Variants in CANX observed in about 807,000 individuals in gnomAD.
The protein encoded by CANX is epididymis secretory sperm binding protein.
A neutral mutation model predicts 75.7 loss-of-function variants in CANX; 14 were observed. The observed-to-expected ratio is 0.19, with a 90% CI of 0.12 to 0.29. CANX has a LOEUF of 0.29. Among genes scored for constraint, CANX ranks in the 10% least tolerant of loss-of-function variants. CANX has a pLI of 1.00. For missense variants in CANX, 567 were observed against 713.2 expected (o/e 0.79, Z 2.34); for synonymous variants, 227 against 236.9 (o/e 0.96, Z 0.38).
rs1777131193 is a variant in CANX, at chr5:179,706,247, A to G, written c.172-11A>G. ...ATTTAAATTTTTAATTCATTTATGT[A>G]TTTAACACAGGTTACTTACAAAGCT... On this transcript the variant is annotated splice_polypyrimidine_tract_variant and intron_variant, in intron 2 of 14. Coordinates refer to ENST00000247461, the MANE Select transcript of CANX (RefSeq NM_001746.4). 3 of 1,478,650 alleles carry G rather than the reference A, an allele frequency of 2.0e-6. No individual in the cohort carries two copies. Among genetic ancestry groups the G allele is most frequent in the South Asian group, 1.2e-5 (1 of 86,050 alleles). 91.6% of individuals were successfully genotyped at this position (1,478,650 alleles called of 1,614,324 possible). A position where few individuals can be genotyped will look rare whatever the true frequency, so the allele number is the denominator to read the frequency against.
At chr5:179,717,032 G>A (rs1778003200) in intron 8 of CANX, among the ~76,000 whole-genome samples, 1 of 152,202 alleles carries the variant, frequency 6.6e-6, no homozygotes, top group African/African-American at 2.4e-5. Flanking sequence ...ATTGAAGAGT[G>A]AGGAGAAATG....
At chr5:179,694,098 C>T (rs943108815), upstream of CANX, 2 of 160,116 alleles carry the variant, frequency 1.2e-5, no homozygotes, top group Admixed American at 1.4e-4. Flanking sequence ...GAGCTGAGAT[C>T]CTGCCATTGC....
At chr5:179,680,951 A>G (rs1355260485) in intron 1 of CANX, 36 of 1,525,860 alleles carry the variant, frequency 2.4e-5, no homozygotes, top group Non-Finnish European at 2.6e-5. Context: ...ATCTTCTCGG[A>G]GGATGTTTCC....
At chr5:179,678,762 C>A in exon 1 of CANX, 1 of 1,537,092 alleles carries the variant, frequency 6.5e-7, no homozygotes, top group Non-Finnish European at 8.7e-7. Flanking sequence ...ATGAGCAGTT[C>A]CTGCTGCAGC....
At chr5:179,687,260 G>T (rs576794077) in intron 1 of CANX, among the ~76,000 whole-genome samples, 2 of 152,174 alleles carry the variant, frequency 1.3e-5, no homozygotes, top group Middle Eastern at 6.8e-3. Flanking sequence ...GCGCCAACAC[G>T]CCCGGCTAAT....
At chr5:179,723,826 G>T (rs184451018) in intron 12 of CANX, 47 bp downstream of exon 12, 1 of 1,513,664 alleles carries the variant, frequency 6.6e-7, no homozygotes, top group Non-Finnish European at 9.0e-7. Context: ...CATCACTCTA[G>T]TGATTATTAA....
chr5:179,709,095 C>T (rs778392507), intron 6 of CANX, 36 bp downstream of exon 6: 17 of 1,183,102 alleles, frequency 1.4e-5, no homozygotes, highest in Non-Finnish European at 1.9e-5. Context: ...TGGCTGGACA[C>T]CCACTATTAC....
At chr5:179,723,077 GA>G (rs1778416453) in intron 11 of CANX, 58 bp downstream of exon 11, 1 of 1,463,588 alleles carries the variant, frequency 6.8e-7, no homozygotes, top group East Asian at 2.3e-5. Context: ...GTTATTTTGT[GA>G]AAGTCTGTGT....
At chr5:179,698,507 C>T, upstream of CANX, 11 of 1,289,408 alleles carry the variant, frequency 8.5e-6, 1 homozygote, top group Non-Finnish European at 1.1e-5. Context: ...TCCTGATGGC[C>T]GATCGTCGGA....
intron 7 of CANX, among the ~76,000 whole-genome samples, chr5:179,714,941 T>A (rs907140024): frequency 1.1e-4 from 16 of 151,972 alleles, no homozygotes; most frequent in Non-Finnish European, 2.9e-5. Context: ...GTTTTTGTAT[T>A]TTTAGTAGAG....
At chr5:179,698,828 G>C (rs1185690136), upstream of CANX, 1 of 775,524 alleles carries the variant, frequency 1.3e-6, no homozygotes, top group African/African-American at 1.9e-5. Context: ...ATGGGACGGT[G>C]CGTAGAGCGA....
At position 179,728,930 on chromosome 5, in the gene CANX, T is replaced by C; in HGVS notation, c.*286T>C. The C allele has an allele frequency of 2.4e-6, 1 of 422,126 alleles. No individual in the cohort carries two copies. Among genetic ancestry groups the C allele is most frequent in the Non-Finnish European group, 4.4e-6 (1 of 229,082 alleles). The allele number at this position is 422,126 out of a possible 1,614,324, so 26.1% of individuals were successfully genotyped here. ...ACTTTTTTTTTTTTAACATCTTTGT[T>C]TTTAAAATAGAATGATAGAACTTTG... On this transcript the variant is annotated 3_prime_UTR_variant, in exon 15 of 15. Transcript: ENST00000247461.
chr5:179,727,572 G>T (rs2113292563), intron 14 of CANX, among the ~76,000 whole-genome samples: 1 of 152,294 alleles, frequency 6.6e-6, no homozygotes, highest in African/African-American at 2.4e-5. Context: ...GGTGGAGAAG[G>T]CTCCAGGTTA....
chr5:179,718,914 C>T (rs2113234004), intron 8 of CANX, among the ~76,000 whole-genome samples: 1 of 152,168 alleles, frequency 6.6e-6, no homozygotes, highest in Non-Finnish European at 1.5e-5. Context: ...ATCCACCCGC[C>T]TTGGCCTCCC....
intron 1 of CANX, among the ~76,000 whole-genome samples, chr5:179,691,900 C>T (rs1776304732): frequency 6.6e-6 from 1 of 151,854 alleles, no homozygotes; most frequent in Admixed American, 6.6e-5. Context: ...GCCTCAGCCT[C>T]CCGAGTAGCT....
chr5:179,696,562 C>T (rs1229954862), upstream of CANX, among the ~76,000 whole-genome samples: 3 of 152,164 alleles, frequency 2.0e-5, no homozygotes, highest in African/African-American at 7.2e-5. Flanking sequence ...AGGCGTGAGC[C>T]ACTGTGCCTG....
At chr5:179,680,793 G>T (rs939914410) in intron 1 of CANX, 3 of 1,138,852 alleles carry the variant, frequency 2.6e-6, no homozygotes, top group African/African-American at 3.1e-5. Flanking sequence ...CTAGAGCAGG[G>T]TTCCCTCTGT....
chr5:179,682,727 A>AC (rs1776100745), intron 1 of CANX, among the ~76,000 whole-genome samples: 1 of 151,608 alleles, frequency 6.6e-6, no homozygotes, highest in South Asian at 2.1e-4. Flanking sequence ...AAAAAAAAAA[A>AC]ACCCTAATTC....
intron 1 of CANX, chr5:179,700,085 C>G (rs748326980): frequency 2.6e-5 from 4 of 152,160 alleles, no homozygotes; most frequent in Non-Finnish European, 5.9e-5. Flanking sequence ...TGCCTTTGGA[C>G]CAATACACTG....
Sources: allele counts gnomAD v4.1 joint callset (sites outside exome capture counted in the v4.1 genomes callset), GRCh38; gene constraint gnomAD v4.1.1; transcripts MANE v1.5; gene names NCBI Gene and HGNC (gene_info 2026-07-23, HGNC 2026-07-21).